Variants in RECQL4 observed in about 807,000 individuals in gnomAD.
The protein encoded by RECQL4 is ATP-dependent DNA helicase Q4.
RECQL4 carries 158 observed loss-of-function variants against 128.6 expected under a neutral mutation model. That is an observed-to-expected ratio of 1.23 (90% CI 1.08 to 1.40). The LOEUF (loss-of-function observed/expected upper bound fraction) is 1.40. RECQL4 is among the 40% of genes most tolerant of loss of function. The pLI is 0.00. For synonymous variants in RECQL4, 996 were observed against 678.9 expected (o/e 1.47, Z -7.26); for missense variants, 2,293 against 1,649.8 (o/e 1.39, Z -6.75).
At position 144,511,973 on chromosome 8, in the gene RECQL4, C is replaced by G; in HGVS notation, c.3331G>C (p.Glu1111Gln). The change falls in exon 19 of 21, where the codon GAG (glutamate) becomes CAG (glutamine). Residue 1111 changes from glutamate (E) to glutamine (Q), a missense_variant. Transcript: ENST00000617875. ...KDLLGRYFEE[E>Q]EGQEPGGMED... ...ATGCCTCCCGGCTCCTGCCCTTCCT[C>G]TTCCTCAAAGTAGCGGCCGAGCAGG... 1 of 1,611,686 alleles carries G rather than the reference C, an allele frequency of 6.2e-7. No homozygotes were observed. The highest frequency in any genetic ancestry group is 1.1e-5 in the South Asian group (1 of 91,032).
At chr8:144,511,857 T>C (rs1257305568) in intron 19 of RECQL4, 54 bp downstream of exon 19, 43 of 1,610,482 alleles carry the variant, frequency 2.7e-5, no homozygotes, top group Non-Finnish European at 3.2e-5. Flanking sequence ...GCAAGCCCCA[T>C]GCAGCCCAGG....
chr8:144,517,556 G>A (rs1340130707), intron 2 of RECQL4, 46 bp downstream of exon 2: 7 of 1,513,802 alleles, frequency 4.6e-6, no homozygotes, highest in African/African-American at 4.3e-5. Context: ...CTGGGCCCCT[G>A]CCGACCCGGT....
Position 144,512,512 on chromosome 8 carries a change from C to T in RECQL4, c.2935G>A (p.Gly979Arg), listed in dbSNP as rs587778645. 3.1e-6 allele frequency: 5 copies of T among 1,612,550 alleles called. No individual in the cohort carries two copies. Among genetic ancestry groups the T allele is most frequent in the East Asian group, 2.2e-5 (1 of 44,886 alleles). ...AACTCCACGGAGCTGCTGCCTTGCC[C>T]TGGGTCCTCAGGCAGCTGCTGGGCC... ...CLAQQLPEDP[G>R]QGSSSVEFDM... Residue 979 changes from glycine (G) to arginine (R), a missense_variant, in exon 17 of 21, where the codon GGG becomes AGG. Gly to Arg is a moderately radical substitution (Grantham distance 125, BLOSUM62 -2). Transcript: ENST00000617875.
chr8:144,516,149 G>A lies in RECQL4; in HGVS notation c.970C>T (p.Pro324Ser), dbSNP rs781105713. Reference protein sequence around the residue: ...PSNPRYHGLSPSSQARAGKAE... With the variant: ...PSNPRYHGLSSSSQARAGKAE... The stretch of plus-strand genomic sequence containing the variant: ...TTCCCAGCCCTAGCTTGACTGGAGG[G>A]GCTGAGTCCGTGGTACCTGGGGTTC... The change falls in exon 5 of 21, where the codon CCC becomes TCC. Residue 324 changes from proline (P) to serine (S), a missense_variant. Transcript: ENST00000617875. The A allele has an allele frequency of 2.1e-5, 34 of 1,613,340 alleles. No homozygotes were observed. Among genetic ancestry groups the A allele is most frequent in the East Asian group, 1.3e-4 (6 of 44,894 alleles).
rs1050860620 is a variant in RECQL4, at chr8:144,515,987, C to G, written c.1131+1G>C. 1 of 1,609,640 alleles carries G rather than the reference C, an allele frequency of 6.2e-7. No homozygotes were observed. Among genetic ancestry groups the G allele is most frequent in the Non-Finnish European group, 8.5e-7 (1 of 1,177,462 alleles). ...CCTGTCCTGGCCCGTCGCTGTCTTA[C>G]CTGCTTGCGGAGGAGCCTGCTACGG... On this transcript the variant is annotated splice_donor_variant, in intron 5 of 20. Transcript: ENST00000617875. LOFTEE classifies it high-confidence loss of function.
intron 9 of RECQL4, 93 bp downstream of exon 9, chr8:144,514,842 AG>A (rs1827918037): frequency 9.6e-6 from 14 of 1,452,556 alleles, no homozygotes; most frequent in Non-Finnish European, 1.3e-5. Flanking sequence ...CTCCCAGGGG[AG>A]GGGGTGGTTA....
Position 144,515,371 on chromosome 8 carries a change from T to G in RECQL4, c.1345A>C (p.Thr449Pro), listed in dbSNP as rs535692036. The G allele has an allele frequency of 4.0e-5, 65 of 1,612,626 alleles. No individual in the cohort carries two copies. The East Asian group carries it at 8.5e-4, about 21-fold the overall frequency. ...CCCAGGGAGTAGAGTGGCAGCACGG[T>G]GGGGTCCAGGCTGGGCACCTCAGGT... Reference protein sequence around the residue: ...PVPEVPSLDPTVLPLYSLGPS... With the variant: ...PVPEVPSLDPPVLPLYSLGPS... Residue 449 changes from threonine to proline, a missense_variant, in exon 7 of 21, where the codon ACC (threonine) becomes CCC (proline). Transcript: ENST00000617875.
chr8:144,511,354 G>A lies in RECQL4; in HGVS notation c.*77C>T, dbSNP rs1280673476. 1.3e-6 allele frequency: 2 copies of A among 1,589,134 alleles called. No homozygotes were observed. Among genetic ancestry groups the A allele is most frequent in the Admixed American group, 1.7e-5 (1 of 59,084 alleles). On this transcript the variant is annotated 3_prime_UTR_variant, in exon 21 of 21. Transcript: ENST00000617875. ...TCCTCGTTCCCACACCCTGTGGCAG[G>A]TTTTGCCCAGGTCCTCAGTCACTGC...
In RECQL4 at chr8:144,513,309, A is replaced by G. The variant is rs774894142; in HGVS notation, c.2372T>C (p.Leu791Pro). Residue 791 changes from leucine (L) to proline (P), a missense_variant, in exon 14 of 21, where the codon CTG becomes CCG. Physicochemically the swap from Leu to Pro is moderately conservative, Grantham distance 98. Transcript: ENST00000617875. ...CACGTAGCTCTCGAAGCTTGGGGGC[A>G]GCCCCAGATGCAGCACAGCCCGCAC... Reference protein sequence around the residue: ...PDVRAVLHLGLPPSFESYVQA... With the variant: ...PDVRAVLHLGPPPSFESYVQA... 6 of 1,601,286 alleles carry G rather than the reference A, an allele frequency of 3.7e-6. No individual in the cohort carries two copies. The South Asian group carries it at 5.5e-5, about 15-fold the overall frequency.
intron 10 of RECQL4, 31 bp downstream of exon 10, chr8:144,514,411 T>A (rs1827848910): frequency 6.2e-7 from 1 of 1,603,276 alleles, no homozygotes; most frequent in Admixed American, 1.7e-5. Context: ...GCCCGCTGCC[T>A]CCCTCACCCC....
intron 4 of RECQL4, 139 bp from the exon 5 acceptor site, chr8:144,516,903 C>G: frequency 1.4e-6 from 2 of 1,384,230 alleles, no homozygotes; most frequent in Non-Finnish European, 1.9e-6. Flanking sequence ...GAGTCAAGGG[C>G]GAAGGCCCCG....
intron 6 of RECQL4, 60 bp downstream of exon 6, chr8:144,515,704 A>G (rs1456601945): frequency 4.4e-6 from 7 of 1,585,962 alleles, no homozygotes; most frequent in Non-Finnish European, 6.0e-6. Flanking sequence ...GTCCCCCAAA[A>G]GAGCACTGCG....
rs1827157784 is a variant in RECQL4 at position 144,511,349 on chromosome 8, G to A, written c.*82C>T. ...GAGCCTCCTCGTTCCCACACCCTGTGGCAGGTTTTGCCCAGGTCCTCAGTC... is the reference window on the plus strand; with the variant it reads ...GAGCCTCCTCGTTCCCACACCCTGTAGCAGGTTTTGCCCAGGTCCTCAGTC... On this transcript the variant is annotated 3_prime_UTR_variant, in exon 21 of 21. Coordinates refer to ENST00000617875, the MANE Select transcript of RECQL4 (RefSeq NM_004260.4). 6.3e-7 allele frequency: 1 copy of A among 1,586,250 alleles called. No individual in the cohort carries two copies. The highest frequency in any genetic ancestry group is 8.6e-7 in the Non-Finnish European group (1 of 1,160,250).
rs778806409 is a variant in RECQL4 at position 144,512,869 on chromosome 8, CTGT to C, written c.2730_2732del (p.Gln911del). Reference sequence around the variant, plus strand: ...CACCCTCCTCCGGCATGTCCAAAGCCTGTACGGTAAGCTGTATTGGGAGTGCCC... The same window carrying C: ...CACCCTCCTCCGGCATGTCCAAAGCCACGGTAAGCTGTATTGGGAGTGCCC... On this transcript the variant is annotated inframe_deletion, in exon 15 of 21. Transcript: ENST00000617875. The C allele has an allele frequency of 1.2e-6, 2 of 1,600,622 alleles. No homozygotes were observed.
At position 144,513,617 on chromosome 8, in the gene RECQL4, C is replaced by T. The variant is rs745813211; in HGVS notation, c.2154G>A (p.Ala718=). 54 of 1,602,244 alleles carry T rather than the reference C, an allele frequency of 3.4e-5. No individual in the cohort carries two copies. The East Asian group carries it at 4.7e-4, about 14-fold the overall frequency. ...CTGCGTGCAGGCAGGTTCGGAGGAG[C>T]GCAGCGATCCGCTCTGTGTCCTCGC... The part of the protein sequence containing the change: ...NRREDTERIA[A]LLRTCLHAAW... The change falls in exon 13 of 21, where the codon GCG becomes GCA. Residue 718 remains alanine (A), a synonymous_variant. Transcript: ENST00000617875.
chr8:144,516,244 A>G lies in RECQL4; in HGVS notation c.875T>C (p.Val292Ala), dbSNP rs1319653117. 1.2e-6 allele frequency: 2 copies of G among 1,612,718 alleles called. No homozygotes were observed. The highest frequency in any genetic ancestry group is 1.7e-6 in the Non-Finnish European group (2 of 1,179,794). The change falls in exon 5 of 21, where the codon GTA becomes GCA. Residue 292 changes from valine to alanine, a missense_variant. Transcript: ENST00000617875. Reference protein sequence around the residue: ...AGPPSEGAGAVAVEEDPPGEP... With the variant: ...AGPPSEGAGAAAVEEDPPGEP... Reference sequence around the variant, plus strand: ...CCCTGGAGGGTCTTCCTCAACTGCTACAGCCCCAGCCCCCTCCGATGGGGG... The same window carrying G: ...CCCTGGAGGGTCTTCCTCAACTGCTGCAGCCCCAGCCCCCTCCGATGGGGG...
rs780215594 is a variant in RECQL4, at chr8:144,516,394, A to C, written c.725T>G (p.Phe242Cys). 1.6e-5 allele frequency: 25 copies of C among 1,609,662 alleles called. No individual in the cohort carries two copies. Among genetic ancestry groups the C allele is most frequent in the Non-Finnish European group, 1.9e-5 (23 of 1,179,722 alleles). The stretch of plus-strand genomic sequence containing the variant: ...CCCCACACGGATGCTGACTTCTTGG[A>C]AGGCTGAAGCCTCTGGGCCCTGGGA... Reference protein sequence around the residue: ...AGSQGPEASAFQEVSIRVGSP... With the variant: ...AGSQGPEASACQEVSIRVGSP... The change falls in exon 5 of 21, where the codon TTC becomes TGC. Residue 242 changes from phenylalanine to cysteine, a missense_variant. Transcript: ENST00000617875.
chr8:144,514,835 C>T, intron 9 of RECQL4, 101 bp downstream of exon 9: 1 of 1,440,256 alleles, frequency 6.9e-7, no homozygotes, highest in African/African-American at 1.4e-5. Flanking sequence ...CTTGAAGCTC[C>T]CAGGGGAGGG....
Position 144,517,812 on chromosome 8 carries a change from C to A in RECQL4, c.-28G>T, listed in dbSNP as rs1221691331. 3 of 1,199,296 alleles carry A rather than the reference C, an allele frequency of 2.5e-6. No homozygotes were observed. The highest frequency in any genetic ancestry group is 4.2e-5 in the Admixed American group (1 of 23,544). The allele number at this position is 1,199,296 out of a possible 1,614,324, so 74.3% of individuals were successfully genotyped here. On this transcript the variant is annotated 5_prime_UTR_variant, in exon 1 of 21. Transcript: ENST00000617875. ...CGCGCGCGCCCGCCCGGCCTCCGCG[C>A]TTGCGATCGTCCAGCGAATCTCCCG...
Sources: allele counts gnomAD v4.1 joint callset, GRCh38; gene constraint gnomAD v4.1.1; transcripts MANE v1.5; gene names NCBI Gene and HGNC (gene_info 2026-07-23, HGNC 2026-07-21).